ZNF169: variants seen among roughly 807,000 people sequenced by gnomAD.
The protein encoded by ZNF169 is zinc finger protein 169.
ZNF169 carries 11 observed loss-of-function variants against 12.0 expected under a neutral mutation model. The observed-to-expected ratio is 0.92, with a 90% CI of 0.58 to 1.52. ZNF169 has a LOEUF of 1.52. Among genes scored for constraint, ZNF169 ranks in the 40% most tolerant of loss-of-function variants. The pLI is 0.00. For synonymous variants in ZNF169, 302 were observed against 286.5 expected (o/e 1.05, Z -0.55); for missense variants, 722 against 744.0 (o/e 0.97, Z 0.34).
Position 94,299,862 on chromosome 9 carries a change from T to C in ZNF169, c.304T>C (p.Ser102Pro). The C allele has an allele frequency of 6.2e-7, 1 of 1,614,040 alleles. No individual in the cohort carries two copies. The highest frequency in any genetic ancestry group is 1.6e-4 in the Middle Eastern group (1 of 6,062). ...QPSFPHLVAF[S>P]SSQLLRQYAL... ...AAGTTTTCCCCACCTGGTGGCCTTT[T>C]CTAGCTCGCAGCTCCTCAGACAATA... Residue 102 changes from serine (S) to proline (P), a missense_variant, in exon 5 of 5, where the codon TCT becomes CCT. Physicochemically the swap from Ser to Pro is moderately conservative, Grantham distance 74. Coordinates refer to ENST00000395395, the MANE Select transcript of ZNF169 (RefSeq NM_194320.4).
At chr9:94,277,411 C>G (rs778004163) in intron 1 of ZNF169, among the ~76,000 whole-genome samples, 1 of 152,112 alleles carries the variant, frequency 6.6e-6, no homozygotes, top group East Asian at 1.9e-4. Flanking sequence ...AGGGGATTCT[C>G]TATAGAATAT....
At chr9:94,261,508 T>C (rs1830208274) in intron 1 of ZNF169, among the ~76,000 whole-genome samples, 1 of 152,250 alleles carries the variant, frequency 6.6e-6, no homozygotes, top group Non-Finnish European at 1.5e-5. Flanking sequence ...GTTTTGAAGT[T>C]CCATGGATTC....
At chr9:94,296,460 A>AT (rs1448857407) in intron 4 of ZNF169, among the ~76,000 whole-genome samples, 3 of 152,034 alleles carry the variant, frequency 2.0e-5, no homozygotes, top group African/African-American at 7.2e-5. Flanking sequence ...AAAGATTCTC[A>AT]TTTTTTTCTT....
intron 1 of ZNF169, among the ~76,000 whole-genome samples, chr9:94,262,584 GAGT>G (rs67092817): frequency 0.074 from 11,258 of 152,142 alleles, 557 homozygotes; most frequent in Middle Eastern, 0.12. Context: ...TCAACCTCCT[GAGT>G]AGCTGGGCTA....
intron 2 of ZNF169, among the ~76,000 whole-genome samples, chr9:94,283,344 G>T (rs1326024432): frequency 1.3e-5 from 2 of 152,238 alleles, no homozygotes; most frequent in Middle Eastern, 3.4e-3. Flanking sequence ...GGAGATGGAG[G>T]TTGCAATGAG....
intron 1 of ZNF169, among the ~76,000 whole-genome samples, chr9:94,273,849 G>T (rs1830473309): frequency 6.6e-6 from 1 of 152,080 alleles, no homozygotes; most frequent in African/African-American, 2.4e-5. Flanking sequence ...AAAGTGCTGG[G>T]ATTACAGGCG....
chr9:94,300,803 C>G lies in ZNF169; in HGVS notation c.1245C>G (p.Val415=). The change falls in exon 5 of 5, where the codon GTC becomes GTG. Residue 415 remains valine, a synonymous_variant. Coordinates refer to ENST00000395395, the MANE Select transcript of ZNF169 (RefSeq NM_194320.4). The part of the protein sequence containing the change: ...AECGHSFRQK[V]TLIRHQRTHT... ...GTGGGCACAGCTTTCGCCAAAAGGT[C>G]ACTCTCATCAGGCACCAGAGGACAC... The G allele has an allele frequency of 1.2e-6, 2 of 1,611,782 alleles. No homozygotes were observed. The highest frequency in any genetic ancestry group is 2.2e-5 in the South Asian group (2 of 90,936).
intron 4 of ZNF169, chr9:94,294,891 G>A (rs1402539111): frequency 6.6e-6 from 1 of 152,106 alleles, no homozygotes; most frequent in Admixed American, 6.5e-5. Context: ...ATAAATTTTT[G>A]CCTGCTTTAT....
At chr9:94,284,699 TAAAG>T (rs951039030) in intron 2 of ZNF169, among the ~76,000 whole-genome samples, 1 of 152,102 alleles carries the variant, frequency 6.6e-6, no homozygotes, top group Non-Finnish European at 1.5e-5. Context: ...ATGTAAAAGA[TAAAG>T]AAAACTGCAA....
At chr9:94,276,471 G>C (rs1830521023) in intron 1 of ZNF169, among the ~76,000 whole-genome samples, 1 of 152,054 alleles carries the variant, frequency 6.6e-6, no homozygotes, top group Non-Finnish European at 1.5e-5. Context: ...CCACCATGTT[G>C]ACCAGGCTTG....
intron 2 of ZNF169, 90 bp from the exon 3 acceptor site, chr9:94,292,251 C>T: frequency 6.2e-7 from 1 of 1,609,592 alleles, no homozygotes; most frequent in Non-Finnish European, 8.5e-7. Flanking sequence ...TCTAGGACTG[C>T]TTCTTTCTGC....
intron 1 of ZNF169, among the ~76,000 whole-genome samples, chr9:94,276,024 T>C (rs1830512665): frequency 6.6e-6 from 1 of 152,080 alleles, no homozygotes; most frequent in Non-Finnish European, 1.5e-5. Flanking sequence ...TACACCCGCC[T>C]CAGCCACCTC....
At chr9:94,288,263 G>C in intron 2 of ZNF169, 1 of 805,564 alleles carries the variant, frequency 1.2e-6, no homozygotes. Context: ...TTGAAGGTCA[G>C]CTTCAGTTCA....
chr9:94,275,865 T>G (rs888373156), intron 1 of ZNF169, among the ~76,000 whole-genome samples: 1 of 148,080 alleles, frequency 6.8e-6, no homozygotes. Flanking sequence ...CACTACAACC[T>G]CTACTTCCCA....
intron 2 of ZNF169, chr9:94,287,972 G>A (rs1470560450): frequency 2.5e-6 from 2 of 812,420 alleles, no homozygotes; most frequent in Non-Finnish European, 4.4e-6. Context: ...TCTAGTAAAT[G>A]GAGCTGCCAA....
In ZNF169 at chr9:94,293,023, C is replaced by T. The variant is rs200579397; in HGVS notation, c.210C>T (p.Asp70=). Residue 70 remains aspartate, a synonymous_variant, in exon 4 of 5, where the codon GAC becomes GAT. Transcript: ENST00000395395. ...PKLIEQLEQG[D]EPWREENEHL... is the part of the protein sequence containing the mutation. ...TCATCGAACAGCTGGAGCAAGGCGACGAACCTTGGAGAGAGGAGAACGAAC... is the reference window on the plus strand; with the variant it reads ...TCATCGAACAGCTGGAGCAAGGCGATGAACCTTGGAGAGAGGAGAACGAAC... 4.5e-5 allele frequency: 72 copies of T among 1,613,630 alleles called. No individual in the cohort carries two copies. In the East Asian group the frequency reaches 1.2e-3, roughly 28 times the overall value.
rs1402591293 is a variant in ZNF169 at position 94,299,585 on chromosome 9, T to TG, written c.257-229dup. On this transcript the variant is annotated intron_variant, in intron 4 of 4. Transcript: ENST00000395395. ...AGGAAGATAAATGTGTAACTCTACTTGCAGCAATTTATAGAGCTGAAGCTG... is the reference window on the plus strand; with the variant it reads ...AGGAAGATAAATGTGTAACTCTACTTGGCAGCAATTTATAGAGCTGAAGCTG... The TG allele has an allele frequency of 5.9e-6, 8 of 1,362,692 alleles. No homozygotes were observed. The African/African-American group carries it at 8.8e-5, about 15-fold the overall frequency. The allele number at this position is 1,362,692 out of a possible 1,614,324, so 84.4% of individuals were successfully genotyped here.
chr9:94,288,059 C>G, intron 2 of ZNF169: 1 of 784,726 alleles, frequency 1.3e-6, no homozygotes, highest in Admixed American at 1.7e-5. Flanking sequence ...TGCTCTAGGT[C>G]ACTCGGGACT....
chr9:94,288,970 T>C (rs1316024961), intron 2 of ZNF169, among the ~76,000 whole-genome samples: 2 of 152,242 alleles, frequency 1.3e-5, no homozygotes, highest in Non-Finnish European at 1.5e-5. Context: ...CTAAACTTGT[T>C]GATGGCTGAA....
Sources: gnomAD v4.1 joint callset for allele counts (sites outside exome capture counted in the v4.1 genomes callset) on GRCh38, gnomAD v4.1.1 for gene constraint, MANE v1.5 for transcripts, NCBI Gene and HGNC (gene_info 2026-07-23, HGNC 2026-07-21) for gene names.